RNPS1: variants seen among roughly 807,000 people sequenced by gnomAD.
RNPS1 encodes RNA-binding protein with serine-rich domain 1.
For synonymous variants in RNPS1, 147 were observed against 150.0 expected (o/e 0.98, Z 0.15); for missense variants, 300 against 427.6 (o/e 0.70, Z 2.63).
chr16:2,267,627 C>T, intron 1 of RNPS1: 3 of 1,078,512 alleles, frequency 2.8e-6, no homozygotes, highest in Non-Finnish European at 3.4e-6. Context: ...CGGCCCGACA[C>T]GCCGACCTCG....
rs1294452240 is a variant in RNPS1 at position 2,253,573 on chromosome 16, G to C, written c.*391C>G. On this transcript the variant is annotated 3_prime_UTR_variant, in exon 8 of 8. Transcript: ENST00000320225. ...GCCTGGGGCAGCTCCCTTTCCAAAA[G>C]GACACTGCCCAGCAACAGCAAGGGC... 8.8e-6 allele frequency: 3 copies of C among 339,604 alleles called. No individual in the cohort carries two copies. Among genetic ancestry groups the C allele is most frequent in the African/African-American group, 2.2e-5 (1 of 45,448 alleles). 21.0% of individuals were successfully genotyped at this position (339,604 alleles called of 1,614,324 possible).
At chr16:2,262,101 AG>A in intron 6 of RNPS1, 176 bp downstream of exon 6, 1 of 517,430 alleles carries the variant, frequency 1.9e-6, no homozygotes. Context: ...TTGGGCCATG[AG>A]AAATAGCAGC....
At chr16:2,258,083 G>A (rs759452614) in intron 6 of RNPS1, 2 of 152,206 alleles carry the variant, frequency 1.3e-5, no homozygotes, top group Non-Finnish European at 2.9e-5. Flanking sequence ...GATACAAATA[G>A]CTATAAACGT....
intron 1 of RNPS1, chr16:2,265,287 TGAACATC>T (rs1253703292): frequency 6.6e-6 from 1 of 152,278 alleles, no homozygotes; most frequent in Non-Finnish European, 1.5e-5. Context: ...ATGTACCATA[TGAACATC>T]TAAAAAGCAG....
At chr16:2,259,465 G>A (rs951101615) in intron 6 of RNPS1, among the ~76,000 whole-genome samples, 1 of 152,162 alleles carries the variant, frequency 6.6e-6, no homozygotes, top group African/African-American at 2.4e-5. Flanking sequence ...TTGTTGTCTT[G>A]TTTTAATCCT....
chr16:2,262,483 A>G, intron 5 of RNPS1, 52 bp from the exon 6 acceptor site: 1 of 1,594,872 alleles, frequency 6.3e-7, no homozygotes, highest in South Asian at 1.1e-5. Flanking sequence ...CAGTCACGTC[A>G]GACGCAGAGA....
rs1466619375 is a variant in RNPS1, at chr16:2,253,885, G to A, written c.*79C>T. 2 of 1,283,798 alleles carry A rather than the reference G, an allele frequency of 1.6e-6. No homozygotes were observed. Among genetic ancestry groups the A allele is most frequent in the Non-Finnish European group, 2.2e-6 (2 of 902,522 alleles). The allele number at this position is 1,283,798 out of a possible 1,614,324, so 79.5% of individuals were successfully genotyped here. A position where few individuals can be genotyped will look rare whatever the true frequency, so the allele number is the denominator to read the frequency against. On this transcript the variant is annotated 3_prime_UTR_variant, in exon 8 of 8. Transcript: ENST00000320225. ...GAGTCAAGGGTTTGCTTTCCTACTG[G>A]TCTTCCTTTGGCTAGAAAAGTGACA...
At chr16:2,263,606 G>A (rs2093612449) in intron 3 of RNPS1, among the ~76,000 whole-genome samples, 1 of 152,160 alleles carries the variant, frequency 6.6e-6, no homozygotes, top group Admixed American at 6.5e-5. Flanking sequence ...GCTGGCTGAT[G>A]CTGACCCAGG....
At chr16:2,265,647 G>C (rs925461462) in intron 1 of RNPS1, 2 of 152,092 alleles carry the variant, frequency 1.3e-5, no homozygotes, top group Admixed American at 1.3e-4. Flanking sequence ...ACCAGGCCTA[G>C]CTAATTTTTG....
chr16:2,262,801 C>T lies in RNPS1; in HGVS notation c.461G>A (p.Arg154Gln), dbSNP rs143020362. ...PKRDEKERKR[R>Q]SPSPKPTKVH... The stretch of plus-strand genomic sequence containing the variant: ...TTTGGTGGGCTTAGGAGATGGGCTC[C>T]GCCTTTTCCTCTCCTTTTCATCTCT... The change falls in exon 5 of 8, where the codon CGG becomes CAG. Residue 154 changes from arginine (R) to glutamine (Q), a missense_variant. By Grantham distance (43) the Arg-to-Gln change is conservative. Transcript: ENST00000320225. 59 of 1,613,788 alleles carry T rather than the reference C, an allele frequency of 3.7e-5. No individual in the cohort carries two copies. Among genetic ancestry groups the T allele is most frequent in the Non-Finnish European group, 4.7e-5 (56 of 1,180,016 alleles).
Position 2,264,614 on chromosome 16 carries a change from G to C in RNPS1, c.30C>G (p.Ser10Arg), listed in dbSNP as rs188297037. 6.2e-7 allele frequency: 1 copy of C among 1,613,110 alleles called. No individual in the cohort carries two copies. The highest frequency in any genetic ancestry group is 1.3e-5 in the African/African-American group (1 of 74,870). MDLSGVKKK[S>R]LLGVKENNKK... is the part of the protein sequence containing the mutation. ...TATTATTTTCTTTGACTCCTAGCAA[G>C]CTCTTCTTTTTCACTCCTGATAAAT... Residue 10 changes from serine to arginine, a missense_variant, in exon 2 of 8, where the codon AGC becomes AGG. By Grantham distance (110) the Ser-to-Arg change is moderately radical (BLOSUM62 -1). Transcript: ENST00000320225.
rs1377293586 is a variant in RNPS1 at position 2,255,613 on chromosome 16, G to A, written c.790C>T (p.Arg264Cys). 2.5e-6 allele frequency: 4 copies of A among 1,603,202 alleles called. No individual in the cohort carries two copies. The highest frequency in any genetic ancestry group is 1.1e-5 in the South Asian group (1 of 89,850). ...RRMLPPPPMWRRSPPRMRRRS... is the reference protein window; with the variant it reads ...RRMLPPPPMWCRSPPRMRRRS... Reference sequence around the variant, plus strand: ...CTCCTCATCCGTGGGGGAGACCTGCGCCACATAGGCGGTGGTGGCAACATT... The same window carrying A: ...CTCCTCATCCGTGGGGGAGACCTGCACCACATAGGCGGTGGTGGCAACATT... The change falls in exon 7 of 8, where the codon CGC becomes TGC. Residue 264 changes from arginine (R) to cysteine (C), a missense_variant. Transcript: ENST00000320225.
At chr16:2,260,112 A>G (rs1304164209) in intron 6 of RNPS1, among the ~76,000 whole-genome samples, 2 of 150,212 alleles carry the variant, frequency 1.3e-5, no homozygotes, top group Admixed American at 6.6e-5. Context: ...TAATTTCTTC[A>G]GAATTTGGAA....
At chr16:2,265,614 A>G (rs2093622156) in intron 1 of RNPS1, 1 of 151,892 alleles carries the variant, frequency 6.6e-6, no homozygotes, top group Non-Finnish European at 1.5e-5. Context: ...CCTCCCGAGT[A>G]GCTGGGACTA....
chr16:2,254,558 A>G (rs1429424794), intron 7 of RNPS1, among the ~76,000 whole-genome samples: 1 of 151,836 alleles, frequency 6.6e-6, no homozygotes, highest in African/African-American at 2.4e-5. Flanking sequence ...CGGCCTCCCA[A>G]AGTGCTGGGA....
Position 2,255,439 on chromosome 16 carries a change from C to T in RNPS1, c.818+146G>A. 4 of 919,224 alleles carry T rather than the reference C, an allele frequency of 4.4e-6. No individual in the cohort carries two copies. In the South Asian group the frequency reaches 7.1e-5, roughly 16 times the overall value. 56.9% of individuals were successfully genotyped at this position (919,224 alleles called of 1,614,324 possible). Reference sequence around the variant, plus strand: ...TTACTGCAGCTGTGGCCCTCCTGCTCTCTCCATGAGCTCTGAAGGGCTCCT... The same window carrying T: ...TTACTGCAGCTGTGGCCCTCCTGCTTTCTCCATGAGCTCTGAAGGGCTCCT... On this transcript the variant is annotated intron_variant, in intron 7 of 7. Transcript: ENST00000320225.
intron 6 of RNPS1, among the ~76,000 whole-genome samples, chr16:2,260,829 A>C (rs1004191838): frequency 1.3e-5 from 2 of 152,238 alleles, no homozygotes; most frequent in African/African-American, 4.8e-5. Context: ...AAAAATGGGA[A>C]GCCCCCAAAA....
At chr16:2,260,538 C>T (rs2093598903) in intron 6 of RNPS1, among the ~76,000 whole-genome samples, 1 of 152,126 alleles carries the variant, frequency 6.6e-6, no homozygotes, top group Admixed American at 6.6e-5. Context: ...AGTCCCTGTA[C>T]AGGGTTTCTA....
intron 1 of RNPS1, chr16:2,265,218 T>G (rs2093620304): frequency 1.3e-5 from 2 of 152,424 alleles, no homozygotes; most frequent in Non-Finnish European, 1.5e-5. Flanking sequence ...GCAAAAATCA[T>G]TTCAAAAGCG....
Sources: allele counts gnomAD v4.1 joint callset (sites outside exome capture counted in the v4.1 genomes callset), GRCh38; gene constraint gnomAD v4.1.1; transcripts MANE v1.5; gene names NCBI Gene and HGNC (gene_info 2026-07-23, HGNC 2026-07-21).